The following TMEM132D variants were observed in gnomAD, a reference collection of about 807,000 sequenced individuals.
The protein encoded by TMEM132D is mature OL transmembrane protein.
A neutral mutation model predicts 62.3 loss-of-function variants in TMEM132D; 21 were observed. That is an observed-to-expected ratio of 0.34 (90% CI 0.24 to 0.49). The LOEUF (loss-of-function observed/expected upper bound fraction) is 0.49, where lower values mean the gene tolerates loss of function less well. TMEM132D is among the 20% of genes least tolerant of loss of function. The pLI is 0.99. For synonymous variants in TMEM132D, 621 were observed against 575.6 expected (o/e 1.08, Z -1.13); for missense variants, 1,346 against 1,402.8 (o/e 0.96, Z 0.65).
chr12:129,274,476 C>G (rs1880949215), intron 4 of TMEM132D, among the ~76,000 whole-genome samples: 1 of 152,150 alleles, frequency 6.6e-6, no homozygotes, highest in South Asian at 2.1e-4. Flanking sequence ...GTCTCACAAC[C>G]CTTTAAACAC....
intron 1 of TMEM132D, among the ~76,000 whole-genome samples, chr12:129,838,713 G>T (rs1276264093): frequency 6.6e-6 from 1 of 152,134 alleles, no homozygotes; most frequent in African/African-American, 2.4e-5. Context: ...AGGAAAGAGT[G>T]ATTCTCCAAA....
chr12:129,570,439 T>C (rs1033772963), intron 2 of TMEM132D, among the ~76,000 whole-genome samples: 3 of 152,134 alleles, frequency 2.0e-5, no homozygotes, highest in Admixed American at 6.5e-5. Flanking sequence ...AATCCAAGAA[T>C]CACTGGGAAA....
chr12:129,825,301 G>C (rs1872634258), intron 1 of TMEM132D, among the ~76,000 whole-genome samples: 1 of 151,998 alleles, frequency 6.6e-6, no homozygotes, highest in Non-Finnish European at 1.5e-5. Context: ...TTACAGGCGT[G>C]AGCCACTGCG....
At chr12:129,445,820 G>T (rs966427417) in intron 3 of TMEM132D, among the ~76,000 whole-genome samples, 2 of 152,152 alleles carry the variant, frequency 1.3e-5, no homozygotes, top group Non-Finnish European at 2.9e-5. Context: ...AGTAGCAGAC[G>T]CTGAGATGCA....
At chr12:129,783,709 T>G (rs1417901990) in intron 1 of TMEM132D, among the ~76,000 whole-genome samples, 1 of 152,198 alleles carries the variant, frequency 6.6e-6, no homozygotes, top group Non-Finnish European at 1.5e-5. Context: ...ATATTTCTAT[T>G]TGAGATTTAT....
intron 4 of TMEM132D, among the ~76,000 whole-genome samples, chr12:129,291,903 A>G (rs1399325399): frequency 6.6e-6 from 1 of 152,112 alleles, no homozygotes; most frequent in Non-Finnish European, 1.5e-5. Flanking sequence ...AGAAGGACAT[A>G]AGGTTTGCTA....
chr12:129,710,284 TTTTATTTATTTA>T (rs147677573), intron 1 of TMEM132D, among the ~76,000 whole-genome samples: 2 of 151,610 alleles, frequency 1.3e-5, no homozygotes, highest in Admixed American at 6.6e-5. Flanking sequence ...CATTATTAAT[TTTTATTTATTTA>T]TTTATTTATT....
At chr12:129,360,671 T>C (rs1402621643) in intron 3 of TMEM132D, among the ~76,000 whole-genome samples, 2 of 152,082 alleles carry the variant, frequency 1.3e-5, no homozygotes, top group Admixed American at 1.3e-4. Flanking sequence ...CTGAGTGGGT[T>C]TGCAGCGGGA....
At chr12:129,293,647 C>T (rs1225447534) in intron 4 of TMEM132D, among the ~76,000 whole-genome samples, 1 of 152,154 alleles carries the variant, frequency 6.6e-6, no homozygotes, top group Non-Finnish European at 1.5e-5. Context: ...GAGACAGTAA[C>T]AGATCATCAG....
At chr12:129,259,465 A>G (rs1880495058) in intron 4 of TMEM132D, among the ~76,000 whole-genome samples, 1 of 152,220 alleles carries the variant, frequency 6.6e-6, no homozygotes, top group Non-Finnish European at 1.5e-5. Context: ...GTTGGAGCAC[A>G]GTGAAGTGCA....
chr12:129,810,366 A>G (rs1872133189), intron 1 of TMEM132D, among the ~76,000 whole-genome samples: 2 of 152,188 alleles, frequency 1.3e-5, no homozygotes, highest in South Asian at 4.1e-4. Context: ...AAAAAAATCT[A>G]AAGAAAAAAA....
intron 3 of TMEM132D, among the ~76,000 whole-genome samples, chr12:129,354,313 G>T (rs1197338645): frequency 1.6e-5 from 1 of 60,972 alleles, no homozygotes; most frequent in African/African-American, 5.3e-5. Flanking sequence ...AAACTTTATT[G>T]GGTATATATA....
intron 3 of TMEM132D, 67 bp downstream of exon 3, chr12:129,530,992 A>AAG: frequency 7.2e-7 from 1 of 1,385,636 alleles, no homozygotes. Flanking sequence ...CAATCTAGGA[A>AAG]AAAAAAAAAA....
chr12:129,284,025 C>T (rs577618083), intron 4 of TMEM132D, among the ~76,000 whole-genome samples: 5 of 152,386 alleles, frequency 3.3e-5, no homozygotes, highest in East Asian at 3.9e-4. Flanking sequence ...AATCCAGCCA[C>T]GTGGGAGGCA....
intron 2 of TMEM132D, among the ~76,000 whole-genome samples, chr12:129,652,741 C>T (rs1268124837): frequency 6.6e-6 from 1 of 152,224 alleles, no homozygotes; most frequent in Non-Finnish European, 1.5e-5. Context: ...CACTTCTGAT[C>T]CACAGAACTG....
At chr12:129,771,181 C>T (rs1349469831) in intron 1 of TMEM132D, among the ~76,000 whole-genome samples, 1 of 152,182 alleles carries the variant, frequency 6.6e-6, no homozygotes, top group East Asian at 1.9e-4. Context: ...GAGGGTACTC[C>T]CCAGGCGGAT....
intron 3 of TMEM132D, among the ~76,000 whole-genome samples, chr12:129,394,659 G>A (rs560821656): frequency 6.6e-6 from 1 of 152,364 alleles, no homozygotes; most frequent in East Asian, 1.9e-4. Flanking sequence ...AAGGCTCAGC[G>A]GGGCTGGACT....
intron 3 of TMEM132D, among the ~76,000 whole-genome samples, chr12:129,490,577 CG>C (rs1334042428): frequency 1.2e-3 from 173 of 147,020 alleles, no homozygotes; most frequent in African/African-American, 3.9e-3. Flanking sequence ...TACAGGCGCC[CG>C]CCCACCACGC....
intron 2 of TMEM132D, among the ~76,000 whole-genome samples, chr12:129,614,474 A>G (rs1051754626): frequency 6.6e-6 from 1 of 152,220 alleles, no homozygotes; most frequent in Non-Finnish European, 1.5e-5. Flanking sequence ...TTAATAACCA[A>G]GAGGGTCAGA....
Sources: gnomAD v4.1 joint callset for allele counts (sites outside exome capture counted in the v4.1 genomes callset) on GRCh38, gnomAD v4.1.1 for gene constraint, MANE v1.5 for transcripts, NCBI Gene and HGNC (gene_info 2026-07-23, HGNC 2026-07-21) for gene names.